The following NDST4 variants were observed in gnomAD, a reference collection of about 807,000 sequenced individuals.
NDST4 encodes N-heparan sulfate sulfotransferase 4.
Under a neutral mutation model 100.8 loss-of-function variants are expected in NDST4, and 63 were observed. That is an observed-to-expected ratio of 0.62 (90% confidence interval 0.51 to 0.77). The LOEUF is 0.77. Among genes scored for constraint, NDST4 ranks in the 30% least tolerant of loss-of-function variants. The pLI is 0.00. For missense variants in NDST4, 943 were observed against 1,018.4 expected (o/e 0.93, Z 1.01); for synonymous variants, 377 against 361.8 (o/e 1.04, Z -0.48).
At chr4:115,096,779 A>G (rs1729628716) in intron 1 of NDST4, among the ~76,000 whole-genome samples, 1 of 152,054 alleles carries the variant, frequency 6.6e-6, no homozygotes, top group Non-Finnish European at 1.5e-5. Context: ...CTATCGCTAT[A>G]TTTTGTTCCT....
chr4:115,021,194 G>A (rs866358537), intron 2 of NDST4, among the ~76,000 whole-genome samples: 1 of 149,848 alleles, frequency 6.7e-6, no homozygotes, highest in Admixed American at 6.7e-5. Context: ...TAAAGAAACT[G>A]TGGTATATAT....
At position 114,934,455 on chromosome 4, in the gene NDST4, G is replaced by A. The variant is rs1272142583; in HGVS notation, c.1536+751C>T. Among the ~76,000 whole-genome samples the A allele has an allele frequency of 7.9e-5, 12 of 151,898 alleles. No homozygotes were observed. In the East Asian group the frequency reaches 2.1e-3, roughly 27 times the overall value. On this transcript the variant is annotated intron_variant, in intron 6 of 13. Coordinates refer to ENST00000264363, the MANE Select transcript of NDST4 (RefSeq NM_022569.3). ...TGTAGTCCCAGCTACTTGGGAGTCT[G>A]AGGCAGGAGAATGGCGTGAACCCGG... is the stretch of plus-strand genomic sequence containing the variant.
At chr4:115,104,218 T>C (rs1377093148) in intron 1 of NDST4, among the ~76,000 whole-genome samples, 1 of 152,176 alleles carries the variant, frequency 6.6e-6, no homozygotes, top group African/African-American at 2.4e-5. Flanking sequence ...ATATAGTTTA[T>C]ATCTTTTTAC....
chr4:115,052,528 T>G (rs531011957), intron 2 of NDST4, among the ~76,000 whole-genome samples: 40 of 152,120 alleles, frequency 2.6e-4, no homozygotes, highest in African/African-American at 9.4e-4. Flanking sequence ...CCCATATTGT[T>G]CTCCTGACAG....
chr4:115,088,593 A>C (rs1434065957), intron 1 of NDST4, among the ~76,000 whole-genome samples: 1 of 151,768 alleles, frequency 6.6e-6, no homozygotes, highest in Admixed American at 6.6e-5. Flanking sequence ...TTTGTTAAGA[A>C]GTTTAGCTCA....
At chr4:114,851,409 C>A (rs2126188457) in intron 8 of NDST4, among the ~76,000 whole-genome samples, 1 of 152,158 alleles carries the variant, frequency 6.6e-6, no homozygotes, top group African/African-American at 2.4e-5. Context: ...TTAGGAAAGC[C>A]AAAACCAGCT....
intron 6 of NDST4, among the ~76,000 whole-genome samples, chr4:114,895,036 G>A (rs1724682997): frequency 6.6e-6 from 1 of 152,078 alleles, no homozygotes; most frequent in Non-Finnish European, 1.5e-5. Context: ...CAGAAAGCTA[G>A]AAAGCTCTCA....
At chr4:115,070,664 T>C (rs536869491) in intron 2 of NDST4, among the ~76,000 whole-genome samples, 84 of 152,306 alleles carry the variant, frequency 5.5e-4, no homozygotes, top group African/African-American at 1.9e-3. Flanking sequence ...AGGACATTGA[T>C]TTTTATCTCA....
At chr4:114,960,916 T>C (rs546182884) in intron 4 of NDST4, among the ~76,000 whole-genome samples, 36 of 152,276 alleles carry the variant, frequency 2.4e-4, no homozygotes, top group African/African-American at 8.4e-4. Context: ...CATAAAATTA[T>C]ATAAAGTATA....
intron 6 of NDST4, among the ~76,000 whole-genome samples, chr4:114,905,044 A>C (rs1421467705): frequency 1.3e-5 from 2 of 151,958 alleles, no homozygotes; most frequent in African/African-American, 4.8e-5. Flanking sequence ...TGAGCAAACA[A>C]ACAAACAAAA....
At chr4:114,937,990 A>G (rs1217012770) in intron 4 of NDST4, among the ~76,000 whole-genome samples, 2 of 152,194 alleles carry the variant, frequency 1.3e-5, no homozygotes, top group Non-Finnish European at 2.9e-5. Flanking sequence ...ATTCGATTTC[A>G]ACAAGGTAGA....
chr4:115,052,836 C>G (rs762832070), intron 2 of NDST4, among the ~76,000 whole-genome samples: 2 of 152,128 alleles, frequency 1.3e-5, no homozygotes, highest in South Asian at 4.1e-4. Context: ...CACCTTCATT[C>G]TAGCCCAGTG....
intron 2 of NDST4, among the ~76,000 whole-genome samples, chr4:115,072,016 A>C (rs1729089106): frequency 6.6e-6 from 1 of 152,112 alleles, no homozygotes; most frequent in African/African-American, 2.4e-5. Context: ...AAAAGCCATA[A>C]AGCTTATTTA....
At chr4:114,950,453 G>A (rs1245122520) in intron 4 of NDST4, among the ~76,000 whole-genome samples, 1 of 152,022 alleles carries the variant, frequency 6.6e-6, no homozygotes, top group African/African-American at 2.4e-5. Flanking sequence ...TCAGAACCAT[G>A]TGGAAGTTAA....
chr4:115,071,146 A>T (rs983921224), intron 2 of NDST4, among the ~76,000 whole-genome samples: 1 of 151,990 alleles, frequency 6.6e-6, no homozygotes, highest in African/African-American at 2.4e-5. Context: ...AAAAAAATAA[A>T]AAATAAAAAT....
chr4:115,103,238 A>G (rs1010974186), intron 1 of NDST4, among the ~76,000 whole-genome samples: 3 of 152,160 alleles, frequency 2.0e-5, no homozygotes, highest in Non-Finnish European at 2.9e-5. Context: ...CTTTAAATCT[A>G]TAATACAAAA....
chr4:115,020,194 A>C (rs981574436), intron 2 of NDST4, among the ~76,000 whole-genome samples: 1 of 152,160 alleles, frequency 6.6e-6, no homozygotes, highest in Non-Finnish European at 1.5e-5. Flanking sequence ...AAAACTTCTT[A>C]GGTATTACCT....
Position 114,832,289 on chromosome 4 carries a change from T to C in NDST4, c.2396+1317A>G, listed in dbSNP as rs146928093. ...ACTTCATTAAGGTTGTTTTAGTGGA[T>C]AAGGAACAACCCAATCTTATTACTG... On this transcript the variant is annotated intron_variant, in intron 12 of 13. Transcript: ENST00000264363. 1.8e-3 allele frequency among the ~76,000 whole-genome samples: 281 copies of C among 152,312 alleles called. 3 individuals are homozygous for C. Among genetic ancestry groups the C allele is most frequent in the African/African-American group, 6.4e-3 (268 of 41,564 alleles).
chr4:115,052,663 C>T (rs1728608704), intron 2 of NDST4, among the ~76,000 whole-genome samples: 1 of 152,126 alleles, frequency 6.6e-6, no homozygotes, highest in Non-Finnish European at 1.5e-5. Context: ...ATTGTGAGGC[C>T]TCCCTAGCCA....
Sources: gnomAD v4.1 joint callset for allele counts (sites outside exome capture counted in the v4.1 genomes callset) on GRCh38, gnomAD v4.1.1 for gene constraint, MANE v1.5 for transcripts, NCBI Gene and HGNC (gene_info 2026-07-23, HGNC 2026-07-21) for gene names.